Variants in TEX101 observed in about 807,000 individuals in gnomAD.
TEX101 encodes the protein testis-expressed protein 101.
A neutral mutation model predicts 18.1 loss-of-function variants in TEX101; 10 were observed. That is an observed-to-expected ratio of 0.55 (90% CI 0.34 to 0.94). TEX101 has a LOEUF of 0.94. Ranked by LOEUF, TEX101 falls within the 40% of genes least tolerant of loss-of-function variation. TEX101 has a pLI of 0.02. For synonymous variants in TEX101, 94 were observed against 114.8 expected, an observed-to-expected ratio of 0.82 and a Z score of 1.16; for missense variants, 259 against 298.9, an observed-to-expected ratio of 0.87 and a Z score of 0.98.
intron 2 of TEX101, among the ~76,000 whole-genome samples, chr19:43,403,423 G>A (rs570656319): frequency 5.3e-5 from 8 of 152,174 alleles, no homozygotes; most frequent in East Asian, 3.9e-4. Context: ...CTTGGACACC[G>A]GGGCCTGTCT....
At position 43,417,774 on chromosome 19, in the gene TEX101, T is replaced by G. The variant is rs573781544; in HGVS notation, c.392-104T>G. On this transcript the variant is annotated intron_variant, in intron 4 of 5. Transcript: ENST00000598265. ...GGGAGGCTGAAGTAATGGGCCTTGA[T>G]TAGAGTGGCATCTGCAGGAAAATCT... The G allele has an allele frequency of 9.6e-6, 14 of 1,461,724 alleles. No individual in the cohort carries two copies. In the South Asian group the frequency reaches 1.5e-4, roughly 16 times the overall value. 90.5% of individuals were successfully genotyped at this position (1,461,724 alleles called of 1,614,324 possible). A position where few individuals can be genotyped will look rare whatever the true frequency, so the allele number is the denominator to read the frequency against.
the TEX101 span, among the ~76,000 whole-genome samples, chr19:43,391,941 C>A: frequency 6.6e-6 from 1 of 152,172 alleles, no homozygotes; most frequent in African/African-American, 2.4e-5. Context: ...CCAGTCTGGA[C>A]AGCATATGGA....
the TEX101 span, among the ~76,000 whole-genome samples, chr19:43,391,985 C>T: frequency 6.6e-6 from 1 of 152,170 alleles, no homozygotes; most frequent in Non-Finnish European, 1.5e-5. Context: ...AAGCACAGAA[C>T]CCTGCTGGCC....
chr19:43,417,794 A>G (rs1970495796), intron 4 of TEX101, 84 bp from the exon 5 acceptor site: 3 of 1,567,402 alleles, frequency 1.9e-6, no homozygotes, highest in Middle Eastern at 2.3e-4. Context: ...ATCTGCAGGA[A>G]AATCTTGGGG....
upstream of TEX101, among the ~76,000 whole-genome samples, chr19:43,413,427 G>A (rs781140248): frequency 4.6e-5 from 7 of 151,402 alleles, no homozygotes; most frequent in African/African-American, 1.5e-4. Context: ...GCATGAAGTC[G>A]GGAGGCAGAG....
the TEX101 span, among the ~76,000 whole-genome samples, chr19:43,391,148 G>T: frequency 6.6e-6 from 1 of 152,196 alleles, no homozygotes; most frequent in Non-Finnish European, 1.5e-5. Flanking sequence ...ATTCACGGAT[G>T]GATGGACACT....
chr19:43,407,257 GCGA>G (rs1400570226), intron 3 of TEX101, among the ~76,000 whole-genome samples: 3 of 152,186 alleles, frequency 2.0e-5, no homozygotes, highest in Admixed American at 2.0e-4. Context: ...GCCAAGGCGG[GCGA>G]ATCACCTGAG....
At chr19:43,395,313 T>C in the TEX101 span, among the ~76,000 whole-genome samples, 1 of 152,248 alleles carries the variant, frequency 6.6e-6, no homozygotes, top group African/African-American at 2.4e-5. Flanking sequence ...CCGTATCTGT[T>C]GATTCTCAAA....
Position 43,416,612 on chromosome 19 carries a change from A to G in TEX101, c.391+57A>G. 6.5e-6 allele frequency: 10 copies of G among 1,537,456 alleles called. No homozygotes were observed. The South Asian group carries it at 8.6e-5, about 13-fold the overall frequency. ...GAGAAACTCCATAAAGAGCTTGTGT[A>G]TGGCCTCCCTTTGCATTCTGACTTG... On this transcript the variant is annotated intron_variant, in intron 4 of 5. Transcript: ENST00000598265.
the TEX101 span, among the ~76,000 whole-genome samples, chr19:43,393,103 G>GGAAGGAAGGAAA: frequency 0.013 from 1,943 of 144,284 alleles, 34 homozygotes; most frequent in Middle Eastern, 0.029. Context: ...AAGGAAGGAA[G>GGAAGGAAGGAAA]GAAAGAAAGA....
chr19:43,405,261 C>G (rs995199206), intron 2 of TEX101, among the ~76,000 whole-genome samples: 5 of 152,110 alleles, frequency 3.3e-5, no homozygotes, highest in African/African-American at 1.2e-4. Context: ...CAAAGATTAT[C>G]AGAGTGGATT....
In TEX101 at chr19:43,416,523, TGTCTCA is replaced by T; in HGVS notation, c.362_367del (p.Ser121_Gln122del). The T allele has an allele frequency of 3.1e-6, 5 of 1,614,030 alleles. No individual in the cohort carries two copies. Among genetic ancestry groups the T allele is most frequent in the Non-Finnish European group, 4.2e-6 (5 of 1,179,948 alleles). On this transcript the variant is annotated inframe_deletion, in exon 4 of 6. Coordinates refer to ENST00000598265, the MANE Select transcript of TEX101 (RefSeq NM_001130011.3). ...TCCTTCTGTAATGACAAAGACAGCC[TGTCTCA>T]GTTTTGGGAGTTCAGTGAGACCACA...
At chr19:43,395,815 A>G in the TEX101 span, among the ~76,000 whole-genome samples, 1 of 152,248 alleles carries the variant, frequency 6.6e-6, no homozygotes, top group Non-Finnish European at 1.5e-5. Flanking sequence ...TCCGTGGCTC[A>G]GGTCCAGGTG....
At chr19:43,407,359 C>A (rs1004234530) in intron 3 of TEX101, among the ~76,000 whole-genome samples, 2 of 152,068 alleles carry the variant, frequency 1.3e-5, no homozygotes, top group Non-Finnish European at 2.9e-5. Context: ...GTGGCGCATG[C>A]CTGTAATCCC....
At chr19:43,409,149 C>A (rs73563814) in intron 3 of TEX101, among the ~76,000 whole-genome samples, 2,108 of 152,192 alleles carry the variant, frequency 0.014, 57 homozygotes, top group African/African-American at 0.048. Context: ...TCAGGGTGTT[C>A]CGTCCATAAA....
upstream of TEX101, among the ~76,000 whole-genome samples, chr19:43,411,797 C>T (rs529415507): frequency 5.9e-5 from 9 of 152,160 alleles, no homozygotes; most frequent in Non-Finnish European, 8.8e-5. Context: ...ATTACAGGCG[C>T]GTGCCACCAG....
At chr19:43,404,230 A>G (rs1346367717) in intron 2 of TEX101, among the ~76,000 whole-genome samples, 1 of 152,086 alleles carries the variant, frequency 6.6e-6, no homozygotes, top group Admixed American at 6.6e-5. Context: ...CGTGAGAAGT[A>G]AACTCTGAAA....
chr19:43,418,325 T>A lies in TEX101; in HGVS notation c.678T>A (p.Cys226Ter). The change falls in exon 6 of 6, where the codon TGT (cysteine) becomes TGA (stop). Residue 226 changes from cysteine to a stop codon, truncating the protein, a stop_gained. Transcript: ENST00000598265. LOFTEE classifies it low-confidence loss of function (END_TRUNC). ...QPRKTENGATCLPIPVWGLQL... is the reference protein window; with the variant it reads ...QPRKTENGAT ...GAAAGACTGAAAATGGGGCCACCTG[T>A]CTTCCCATTCCTGTTTGGGGGTTAC... 1 of 1,614,212 alleles carries A rather than the reference T, an allele frequency of 6.2e-7. No individual in the cohort carries two copies. The highest frequency in any genetic ancestry group is 8.5e-7 in the Non-Finnish European group (1 of 1,180,034).
the TEX101 span, among the ~76,000 whole-genome samples, chr19:43,396,223 G>C: frequency 6.6e-6 from 1 of 152,214 alleles, no homozygotes; most frequent in Non-Finnish European, 1.5e-5. Context: ...TAGGTATTTA[G>C]GGGTCTGAGT....
Sources: gnomAD v4.1 joint callset for allele counts (sites outside exome capture counted in the v4.1 genomes callset) on GRCh38, gnomAD v4.1.1 for gene constraint, MANE v1.5 for transcripts, NCBI Gene and HGNC (gene_info 2026-07-23, HGNC 2026-07-21) for gene names.